The following NOX5 variants were observed in gnomAD, a reference collection of about 807,000 sequenced individuals.
NOX5 encodes the protein NADPH oxidase 5, also known as NADPH oxidase, EF-hand calcium binding domain 5.
In NOX5, 76 loss-of-function variants were observed where a neutral mutation model predicts 85.7. The observed-to-expected ratio is 0.89, with a 90% CI of 0.74 to 1.07. The LOEUF is 1.07. Ranked by LOEUF, NOX5 falls within the 50% of genes least tolerant of loss-of-function variation. The pLI is 0.00. For missense variants in NOX5, 973 were observed against 999.5 expected, an observed-to-expected ratio of 0.97 and a Z score of 0.36; for synonymous variants, 405 against 401.4, an observed-to-expected ratio of 1.01 and a Z score of -0.11.
chr15:69,051,770 GATGAA>G (rs1269097119), intron 14 of NOX5, among the ~76,000 whole-genome samples: 3 of 152,030 alleles, frequency 2.0e-5, no homozygotes, highest in Admixed American at 6.5e-5. Context: ...CCTTTTTTCT[GATGAA>G]ATGAGAATAA....
chr15:69,036,936 G>GATAA, intron 7 of NOX5, 92 bp from the exon 8 acceptor site: 1 of 1,013,290 alleles, frequency 9.9e-7, no homozygotes, highest in South Asian at 1.5e-5. Flanking sequence ...TCTGAGCACT[G>GATAA]CCCTGGCTTT....
chr15:69,045,346 G>T (rs1020893197), intron 10 of NOX5, among the ~76,000 whole-genome samples: 5 of 152,040 alleles, frequency 3.3e-5, no homozygotes, highest in Non-Finnish European at 4.4e-5. Flanking sequence ...AACTAGTATC[G>T]CATGCTGCAC....
At chr15:69,055,544 C>A (rs772266032) in intron 15 of NOX5, 44 bp downstream of exon 15, 1 of 1,596,948 alleles carries the variant, frequency 6.3e-7, no homozygotes, top group South Asian at 1.1e-5. Context: ...ATGGATGAAG[C>A]TGAGAGCTCG....
At chr15:69,035,298 A>AGAGGACAAG in intron 5 of NOX5, 56 bp from the exon 6 acceptor site, 1 of 1,579,674 alleles carries the variant, frequency 6.3e-7, no homozygotes, top group Non-Finnish European at 8.6e-7. Flanking sequence ...GGCTGGGAAA[A>AGAGGACAAG]GAGGACAAGG....
intron 11 of NOX5, chr15:69,047,139 C>T: frequency 1.8e-6 from 1 of 563,764 alleles, no homozygotes; most frequent in South Asian, 2.8e-5. Flanking sequence ...ATCCCTGTCT[C>T]CTGGGCACCC....
In NOX5 at chr15:69,031,687, G is replaced by C. The variant is rs914407839; in HGVS notation, c.495G>C (p.Lys165Asn). The C allele has an allele frequency of 2.5e-6, 4 of 1,613,102 alleles. No homozygotes were observed. The African/African-American group carries it at 5.3e-5, about 22-fold the overall frequency. Residue 165 changes from lysine (K) to asparagine (N), a missense_variant, in exon 4 of 16, where the codon AAG becomes AAC. Lys to Asn is a moderately conservative substitution (Grantham distance 94). Coordinates refer to ENST00000388866, the MANE Select transcript of NOX5 (RefSeq NM_024505.4). ...RESAISLPDE[K>N]LDQLTLALFE... ...GCGCCATCTCGCTGCCTGACGAGAA[G>C]CTGGACCAGCTGACGCTGGCGCTCT... is the stretch of plus-strand genomic sequence containing the variant.
At chr15:69,043,882 G>A (rs2050628367) in intron 10 of NOX5, among the ~76,000 whole-genome samples, 2 of 152,158 alleles carry the variant, frequency 1.3e-5, no homozygotes, top group South Asian at 4.1e-4. Context: ...TTTTAGAGAT[G>A]TATTCTTAAA....
chr15:69,033,091 G>T lies in NOX5; in HGVS notation c.669G>T (p.Arg223=). 2 of 1,555,468 alleles carry T rather than the reference G, an allele frequency of 1.3e-6. No homozygotes were observed. Among genetic ancestry groups the T allele is most frequent in the Non-Finnish European group, 1.7e-6 (2 of 1,158,670 alleles). ...TAPAPRPRPR[R]PRQLTRAYWH... ...CCGCCCCCCGCCCACGCCCGCGCCG[G>T]CCGCGCCAGCTGACCCGCGCCTACT... Residue 223 remains arginine, a synonymous_variant, in exon 5 of 16, where the codon CGG becomes CGT. Coordinates refer to ENST00000388866, the MANE Select transcript of NOX5 (RefSeq NM_024505.4).
At chr15:69,049,615 TAA>T (rs2140278897) in intron 14 of NOX5, among the ~76,000 whole-genome samples, 1 of 152,304 alleles carries the variant, frequency 6.6e-6, no homozygotes, top group Admixed American at 6.5e-5. Flanking sequence ...TCATATTTTA[TAA>T]AAATATATTT....
chr15:69,023,415 C>A, intron 1 of NOX5: 1 of 396,074 alleles, frequency 2.5e-6, no homozygotes. Flanking sequence ...GTAATTGTCA[C>A]AACCATACTG....
At chr15:69,031,911 C>G (rs1396094921) in intron 4 of NOX5, 99 bp downstream of exon 4, 1 of 1,223,434 alleles carries the variant, frequency 8.2e-7, no homozygotes, top group African/African-American at 1.5e-5. Context: ...CTGCCCTACC[C>G]CGCCCTGCCC....
At chr15:69,023,795 T>C in intron 1 of NOX5, 1 of 182,728 alleles carries the variant, frequency 5.5e-6, no homozygotes, top group Non-Finnish European at 1.2e-5. Flanking sequence ...GTGACTTATT[T>C]AGCACTGGCC....
At chr15:69,020,100 G>A (rs1459029392) in intron 1 of NOX5, among the ~76,000 whole-genome samples, 1 of 152,026 alleles carries the variant, frequency 6.6e-6, no homozygotes, top group Non-Finnish European at 1.5e-5. Context: ...AAACCTATAG[G>A]ACTTCTATGT....
chr15:69,035,502 A>C lies in NOX5; in HGVS notation c.1004A>C (p.Asn335Thr). 1.2e-6 allele frequency: 2 copies of C among 1,614,120 alleles called. No homozygotes were observed. ...GTGCACACCGTGGCTCACACTGTGA[A>C]CTTTGGTGAGTGATCTGGGGCAGGG... ...SLVHTVAHTV[N>T]FVLQAQAEAS... is the part of the protein sequence containing the mutation. Residue 335 changes from asparagine (N) to threonine (T), a missense_variant, in exon 6 of 16, where the codon AAC (asparagine) becomes ACC (threonine). Physicochemically the swap from Asn to Thr is moderately conservative, Grantham distance 65. Coordinates refer to ENST00000388866, the MANE Select transcript of NOX5 (RefSeq NM_024505.4).
chr15:69,053,302 A>T (rs1264367589), intron 14 of NOX5, among the ~76,000 whole-genome samples: 2 of 152,196 alleles, frequency 1.3e-5, no homozygotes, highest in Non-Finnish European at 1.5e-5. Flanking sequence ...TACCCACCTC[A>T]TAGGATTGTC....
intron 14 of NOX5, among the ~76,000 whole-genome samples, chr15:69,053,760 C>T (rs1257065475): frequency 2.0e-5 from 3 of 152,152 alleles, no homozygotes; most frequent in Non-Finnish European, 4.4e-5. Flanking sequence ...TCCCTCCCAC[C>T]ATGGTGTCTC....
At chr15:69,032,516 T>G (rs537261277) in intron 4 of NOX5, among the ~76,000 whole-genome samples, 3 of 152,066 alleles carry the variant, frequency 2.0e-5, no homozygotes, top group Non-Finnish European at 4.4e-5. Context: ...GTTCAAGCGA[T>G]TCTCCTGACT....
chr15:69,021,062 TG>T (rs2050290027), intron 1 of NOX5, among the ~76,000 whole-genome samples: 1 of 152,142 alleles, frequency 6.6e-6, no homozygotes, highest in African/African-American at 2.4e-5. Context: ...AGGTTGGGTT[TG>T]TTTTTTTTTT....
chr15:69,035,773 C>T lies in NOX5; in HGVS notation c.1025C>T (p.Ala342Val), dbSNP rs375359043. The part of the protein sequence containing the change: ...HTVNFVLQAQ[A>V]EASPFQFWEL... ...TTGTTTCCAGTACTCCAGGCTCAGG[C>T]GGAGGCCAGCCCTTTCCAGTTCTGG... Residue 342 changes from alanine (A) to valine (V), a missense_variant, in exon 7 of 16, where the codon GCG (alanine) becomes GTG (valine). Coordinates refer to ENST00000388866, the MANE Select transcript of NOX5 (RefSeq NM_024505.4). 1.1e-5 allele frequency: 18 copies of T among 1,613,928 alleles called. No individual in the cohort carries two copies. The highest frequency in any genetic ancestry group is 5.3e-5 in the African/African-American group (4 of 74,932).
Sources: allele counts gnomAD v4.1 joint callset (sites outside exome capture counted in the v4.1 genomes callset), GRCh38; gene constraint gnomAD v4.1.1; transcripts MANE v1.5; gene names NCBI Gene and HGNC (gene_info 2026-07-23, HGNC 2026-07-21).